Variants in GAS7 observed in about 807,000 individuals in gnomAD.
GAS7 encodes growth arrest-specific protein 7.
GAS7 carries 28 observed loss-of-function variants against 71.1 expected under a neutral mutation model. That is an observed-to-expected ratio of 0.39 (90% CI 0.29 to 0.54). The LOEUF is 0.54. GAS7 is among the 20% of genes least tolerant of loss of function. The pLI is 0.62. For synonymous variants in GAS7, 258 were observed against 245.8 expected (o/e 1.05, Z -0.46); for missense variants, 436 against 627.8 (o/e 0.69, Z 3.27).
intron 9 of GAS7, among the ~76,000 whole-genome samples, chr17:9,928,411 C>T (rs904845109): frequency 1.3e-5 from 2 of 152,048 alleles, no homozygotes; most frequent in Non-Finnish European, 2.9e-5. Context: ...CGTGAGCCAC[C>T]GTGCCCAGCC....
In GAS7 at chr17:9,925,500, C is replaced by T. The variant is rs2067968236; in HGVS notation, c.1114G>A (p.Ala372Thr). The change falls in exon 11 of 14, where the codon GCG (alanine) becomes ACG (threonine). Residue 372 changes from alanine to threonine, a missense_variant. Transcript: ENST00000432992. Reference sequence around the variant, plus strand: ...CCAGCCTGTGTGGACTTTCTCCGCGCCTTCTTGATGTCCTCCTCTGTCTTG... The same window carrying T: ...CCAGCCTGTGTGGACTTTCTCCGCGTCTTCTTGATGTCCTCCTCTGTCTTG... Reference protein sequence around the residue: ...SNKTEEDIKKARRKSTQAGDD... With the variant: ...SNKTEEDIKKTRRKSTQAGDD... The T allele has an allele frequency of 6.2e-7, 1 of 1,614,188 alleles. No individual in the cohort carries two copies. Among genetic ancestry groups the T allele is most frequent in the Non-Finnish European group, 8.5e-7 (1 of 1,180,028 alleles).
At position 9,981,084 on chromosome 17, in the gene GAS7, G is replaced by A. The variant is rs1409167254; in HGVS notation, c.385+720C>T. The stretch of plus-strand genomic sequence containing the variant: ...AAACAGGTGGATCACTTGAGACCAG[G>A]AGCTCAAGACCAGCCTGGCCAACAT... On this transcript the variant is annotated intron_variant, in intron 3 of 13. Transcript: ENST00000432992. This position sits in a 1 kb window ranked among gnomAD's most constrained non-coding sequence, Gnocchi z 4.4. 6.6e-6 allele frequency among the ~76,000 whole-genome samples: 1 copy of A among 152,138 alleles called. No homozygotes were observed. Among genetic ancestry groups the A allele is most frequent in the Non-Finnish European group, 1.5e-5 (1 of 68,038 alleles).
At chr17:10,143,538 G>A (rs1397504087) in intron 1 of GAS7, among the ~76,000 whole-genome samples, 15 of 51,766 alleles carry the variant, frequency 2.9e-4, no homozygotes, top group East Asian at 1.8e-3. Flanking sequence ...GAAAAATTCC[G>A]TCTCAAAAAA....
At chr17:10,192,494 T>C (rs1354941202) in intron 1 of GAS7, among the ~76,000 whole-genome samples, 1 of 152,112 alleles carries the variant, frequency 6.6e-6, no homozygotes, top group Non-Finnish European at 1.5e-5. Flanking sequence ...TACCACACCA[T>C]CAGAAAAAAG....
chr17:10,000,807 C>T (rs2152163741), intron 2 of GAS7, among the ~76,000 whole-genome samples: 1 of 152,324 alleles, frequency 6.6e-6, no homozygotes, highest in Admixed American at 6.5e-5. Context: ...TTTGCGTCTG[C>T]TCTGTCTTCT....
At chr17:10,036,732 C>T (rs1281515648) in intron 1 of GAS7, 92 of 1,248,738 alleles carry the variant, frequency 7.4e-5, no homozygotes, top group Admixed American at 8.2e-5. Context: ...CTGGACTTTC[C>T]AGATGCAATG....
At chr17:10,016,783 A>C (rs1466344449) in intron 2 of GAS7, among the ~76,000 whole-genome samples, 3 of 135,538 alleles carry the variant, frequency 2.2e-5, no homozygotes, top group African/African-American at 9.0e-5. Context: ...AATAATAATA[A>C]TAATAATAAT....
intron 1 of GAS7, among the ~76,000 whole-genome samples, chr17:10,087,769 C>G (rs2073535536): frequency 1.3e-5 from 2 of 152,160 alleles, no homozygotes; most frequent in Non-Finnish European, 2.9e-5. Context: ...CTTCTCACTT[C>G]TAAAAATCCA....
intron 2 of GAS7, among the ~76,000 whole-genome samples, chr17:10,010,432 A>G (rs1567889317): frequency 6.6e-6 from 1 of 152,140 alleles, no homozygotes; most frequent in Non-Finnish European, 1.5e-5. Flanking sequence ...GTTTACAGGC[A>G]TGAGCCACCG....
chr17:10,036,175 T>C (rs1461990290), intron 1 of GAS7, among the ~76,000 whole-genome samples: 1 of 151,532 alleles, frequency 6.6e-6, no homozygotes, highest in Non-Finnish European at 1.5e-5. Context: ...TTCATAAATC[T>C]TTCTCCTCCT....
chr17:10,021,846 G>A (rs796823437), intron 1 of GAS7, among the ~76,000 whole-genome samples: 92 of 152,336 alleles, frequency 6.0e-4, no homozygotes, highest in African/African-American at 1.9e-3. Context: ...GTGTGTGTGC[G>A]TGTGCATGCG....
chr17:10,087,140 A>G (rs28379063), intron 1 of GAS7, among the ~76,000 whole-genome samples: 3,306 of 152,284 alleles, frequency 0.022, 132 homozygotes, highest in African/African-American at 0.075. Flanking sequence ...CAAAGGGACA[A>G]TCCACCAGAC....
chr17:10,158,344 A>AAAAAAACAAAAAC (rs1567614065), intron 1 of GAS7, among the ~76,000 whole-genome samples: 5 of 146,934 alleles, frequency 3.4e-5, no homozygotes, highest in African/African-American at 1.3e-4. Flanking sequence ...GGTAAAAAAA[A>AAAAAAACAAAAAC]AAAAAAAAAA....
Position 9,946,387 on chromosome 17 carries a change from T to C in GAS7, c.615+507A>G, listed in dbSNP as rs114915524. ...TCCACCTGCAAAATTGTCTTTAATC[T>C]TGCAAAACTAAAACTCTGTGTTCGC... On this transcript the variant is annotated intron_variant, in intron 6 of 13. Coordinates refer to ENST00000432992, the MANE Select transcript of GAS7 (RefSeq NM_201433.2). Among the ~76,000 whole-genome samples the C allele has an allele frequency of 6.8e-3, 1,031 of 152,324 alleles. 18 individuals are homozygous for C. The highest frequency in any genetic ancestry group is 0.024 in the African/African-American group (978 of 41,568).
chr17:10,060,280 G>A (rs1180528366), intron 1 of GAS7, among the ~76,000 whole-genome samples: 2 of 152,276 alleles, frequency 1.3e-5, no homozygotes, highest in African/African-American at 2.4e-5. Flanking sequence ...CTAGCCGAGT[G>A]ACACTGGGCA....
At chr17:10,187,640 G>A (rs2074465490) in intron 1 of GAS7, among the ~76,000 whole-genome samples, 1 of 152,060 alleles carries the variant, frequency 6.6e-6, no homozygotes, top group Non-Finnish European at 1.5e-5. Flanking sequence ...TTGCCACAAG[G>A]TGACAGACAG....
At chr17:10,122,141 G>A (rs2073909781) in intron 1 of GAS7, among the ~76,000 whole-genome samples, 2 of 152,294 alleles carry the variant, frequency 1.3e-5, no homozygotes, top group South Asian at 4.1e-4. Flanking sequence ...CGTACAGTGT[G>A]ACCTGCATCT....
Position 9,919,969 on chromosome 17 carries a change from T to TGTGTGTGTGTG in GAS7, c.1139-265_1139-264insCACACACACAC, listed in dbSNP as rs2067738985. Reference sequence around the variant, plus strand: ...AGGATTCAGGATGGTGGTTCTCATTTTGTGTGTGTGTGTGTGTGTGTGTGT... The same window carrying TGTGTGTGTGTG: ...AGGATTCAGGATGGTGGTTCTCATTTGTGTGTGTGTGTGTGTGTGTGTGTGTGTGTGTGTGT... On this transcript the variant is annotated intron_variant, in intron 11 of 13. Transcript: ENST00000432992. The surrounding 1 kb of genome is among the most constrained non-coding windows in gnomAD (Gnocchi z 5.0). Among the ~76,000 whole-genome samples, 3 of 131,498 alleles carry TGTGTGTGTGTG rather than the reference T, an allele frequency of 2.3e-5. No individual in the cohort carries two copies. Among genetic ancestry groups the TGTGTGTGTGTG allele is most frequent in the African/African-American group, 8.7e-5 (3 of 34,354 alleles). 86.3% of individuals were successfully genotyped at this position (131,498 alleles called of 152,430 possible).
chr17:9,964,017 A>T (rs2069606258), intron 4 of GAS7, among the ~76,000 whole-genome samples: 1 of 152,166 alleles, frequency 6.6e-6, no homozygotes, highest in Non-Finnish European at 1.5e-5. Flanking sequence ...TGGGCTTAAC[A>T]GATTTGTGGT....
Sources: allele counts gnomAD v4.1 joint callset (sites outside exome capture counted in the v4.1 genomes callset), GRCh38; gene constraint gnomAD v4.1.1; non-coding constraint Gnocchi (gnomAD v3.1); transcripts MANE v1.5; gene names NCBI Gene and HGNC (gene_info 2026-07-23, HGNC 2026-07-21).